ZC3H12B: variants seen among roughly 807,000 people sequenced by gnomAD.
ZC3H12B encodes probable ribonuclease ZC3H12B.
Under a neutral mutation model 43.9 loss-of-function variants are expected in ZC3H12B, and 7 were observed. The ratio of observed to expected loss-of-function variants is 0.16; its 90% CI spans 0.09 to 0.30. The LOEUF is 0.30. Among genes scored for constraint, ZC3H12B ranks in the 10% least tolerant of loss-of-function variants. The pLI is 1.00. For synonymous variants in ZC3H12B, 222 were observed against 241.7 expected (o/e 0.92, Z 0.76); for missense variants, 475 against 670.2 (o/e 0.71, Z 3.22).
the ZC3H12B span, chrX:65,330,886 G>A: frequency 8.8e-6 from 2 of 228,558 alleles, no homozygotes; most frequent in Non-Finnish European, 1.7e-5. Flanking sequence ...CCATTTCCAG[G>A]TTTTTTCTCT....
chrX:65,074,406 G>T, the ZC3H12B span, among the ~76,000 whole-genome samples: 2 of 110,642 alleles, frequency 1.8e-5, no homozygotes, highest in Non-Finnish European at 3.8e-5. Flanking sequence ...TTTTCTCTTT[G>T]TTTTTGACAT....
the ZC3H12B span, among the ~76,000 whole-genome samples, chrX:65,084,750 T>C: frequency 8.9e-6 from 1 of 112,677 alleles, no homozygotes; most frequent in Non-Finnish European, 1.9e-5. Flanking sequence ...AGCAGCCCCA[T>C]TGCTGGGTAT....
chrX:65,498,937 G>A (rs1191907079), intron 2 of ZC3H12B, 62 bp from the exon 8 acceptor site: 1 of 943,845 alleles, frequency 1.1e-6, no homozygotes, highest in East Asian at 3.1e-5. Context: ...TTAATATTGG[G>A]GTAATACTGT....
At chrX:65,285,318 GC>G in the ZC3H12B span, among the ~76,000 whole-genome samples, 1 of 110,164 alleles carries the variant, frequency 9.1e-6, no homozygotes, top group Admixed American at 9.8e-5. Flanking sequence ...TCATTCTCAT[GC>G]CTTCTAGCAA....
the ZC3H12B span, among the ~76,000 whole-genome samples, chrX:65,180,079 G>T: frequency 8.9e-6 from 1 of 111,788 alleles, no homozygotes; most frequent in East Asian, 2.8e-4. Context: ...CAATATCCCT[G>T]CTTAACTTTG....
chrX:65,235,637 C>A, the ZC3H12B span, among the ~76,000 whole-genome samples: 1 of 111,245 alleles, frequency 9.0e-6, no homozygotes, highest in African/African-American at 3.3e-5. Flanking sequence ...CTAGCCTGGT[C>A]AGGCTGCAAG....
intron 3 of ZC3H12B, among the ~76,000 whole-genome samples, chrX:65,466,933 T>TATATA (rs2067829839): frequency 2.3e-5 from 1 of 42,655 alleles, no homozygotes; most frequent in African/African-American, 1.2e-4. Context: ...TATATATATA[T>TATATA]ATATATATAT....
At chrX:65,489,978 T>G (rs2068181442) in intron 1 of ZC3H12B, among the ~76,000 whole-genome samples, 1 of 111,766 alleles carries the variant, frequency 8.9e-6, no homozygotes, top group African/African-American at 3.3e-5. Context: ...AGAAGTGGCC[T>G]GCTTTGTATC....
chrX:65,263,601 G>T, the ZC3H12B span, among the ~76,000 whole-genome samples: 1 of 110,869 alleles, frequency 9.0e-6, no homozygotes, highest in African/African-American at 3.3e-5. Context: ...GCCTAAAAAT[G>T]GAATATAAGA....
the ZC3H12B span, among the ~76,000 whole-genome samples, chrX:65,160,356 C>G: frequency 9.0e-6 from 1 of 111,324 alleles, no homozygotes; most frequent in African/African-American, 3.3e-5. Flanking sequence ...CTCCTTGTAC[C>G]TCTGGTAGAA....
At chrX:65,256,453 TAAATC>T in the ZC3H12B span, among the ~76,000 whole-genome samples, 1 of 111,854 alleles carries the variant, frequency 8.9e-6, no homozygotes, top group Non-Finnish European at 1.9e-5. Context: ...GATAAATAAT[TAAATC>T]AAAGCAGAAA....
At chrX:65,248,349 A>G in the ZC3H12B span, among the ~76,000 whole-genome samples, 122 of 111,430 alleles carry the variant, frequency 1.1e-3, no homozygotes, top group Middle Eastern at 4.6e-3. Context: ...TTTAGAAAGG[A>G]GTATTTGGGA....
rs200166459 is a variant in ZC3H12B at position 65,472,964 on chromosome X, GTGTA to G, written n.408-15678_408-15675del. On this transcript the variant is annotated intron_variant and non_coding_transcript_variant, in intron 3 of 5. Transcript: ENST00000617377. Reference sequence around the variant, plus strand: ...TGTACATATATATATGTTTGTGTATGTGTATGTGTGTGTATATATATATATATAT... The same window carrying G: ...TGTACATATATATATGTTTGTGTATGTGTGTGTGTATATATATATATATAT... Among the ~76,000 whole-genome samples the G allele has an allele frequency of 7.5e-3, 604 of 80,460 alleles. 12 individuals carry two copies. Among genetic ancestry groups the G allele is most frequent in the African/African-American group, 0.038 (567 of 15,084 alleles). 69.9% of individuals were successfully genotyped at this position (80,460 alleles called of 115,157 possible).
the ZC3H12B span, among the ~76,000 whole-genome samples, chrX:65,143,619 C>T: frequency 1.9e-5 from 2 of 106,253 alleles, no homozygotes; most frequent in East Asian, 5.9e-4. Flanking sequence ...TTGGAGTGCT[C>T]TGGTGTGATC....
the ZC3H12B span, among the ~76,000 whole-genome samples, chrX:65,044,877 T>C: frequency 1.4e-4 from 15 of 109,488 alleles, no homozygotes; most frequent in Non-Finnish European, 2.1e-4. Flanking sequence ...CACCTGTAAT[T>C]CCAGCACTTT....
intron 1 of ZC3H12B, 44 bp from the exon 7 acceptor site, chrX:65,497,088 A>C (rs1193244868): frequency 8.7e-7 from 1 of 1,145,590 alleles, no homozygotes. Context: ...TTTCTTTGCT[A>C]TCTATTATCA....
At chrX:65,330,948 CTTCTT>C in the ZC3H12B span, 1 of 306,590 alleles carries the variant, frequency 3.3e-6, no homozygotes, top group Non-Finnish European at 6.4e-6. Flanking sequence ...CACAAGATGT[CTTCTT>C]TCCTGGGGCA....
At chrX:65,499,159 C>T (rs2068331342) in exon 3 of ZC3H12B, 1 of 1,209,187 alleles carries the variant, frequency 8.3e-7, no homozygotes, top group Admixed American at 2.2e-5. Context: ...ACTACCGAGA[C>T]CTTCAAGTTG....
the ZC3H12B span, among the ~76,000 whole-genome samples, chrX:65,345,981 A>G: frequency 1.8e-5 from 2 of 111,796 alleles, no homozygotes; most frequent in African/African-American, 3.2e-5. Flanking sequence ...ACAAAAACAA[A>G]TGGAAAAACA....
Sources: gnomAD v4.1 joint callset for allele counts (sites outside exome capture counted in the v4.1 genomes callset) on GRCh38, gnomAD v4.1.1 for gene constraint, MANE v1.5 for transcripts, NCBI Gene and HGNC (gene_info 2026-07-23, HGNC 2026-07-21) for gene names.